The following PRRX1 variants were observed in gnomAD, a reference collection of about 807,000 sequenced individuals.
The protein encoded by PRRX1 is paired related homeobox 1, also known as paired mesoderm homeobox protein 1.
In PRRX1, 8 loss-of-function variants were observed where a neutral mutation model predicts 24.0. That is an observed-to-expected ratio of 0.33 (90% CI 0.20 to 0.60). PRRX1 has a LOEUF of 0.60. Among genes scored for constraint, PRRX1 ranks in the 20% least tolerant of loss-of-function variants. PRRX1 has a pLI of 0.82. For missense variants in PRRX1, 281 were observed against 322.4 expected (o/e 0.87, Z 0.98); for synonymous variants, 160 against 131.7 (o/e 1.22, Z -1.47).
intron 1 of PRRX1, among the ~76,000 whole-genome samples, chr1:170,708,944 T>A (rs1164355269): frequency 2.0e-5 from 3 of 152,206 alleles, no homozygotes; most frequent in Non-Finnish European, 2.9e-5. Flanking sequence ...TGAGTGTGAA[T>A]GGACCAGGTT....
At chr1:170,734,657 ATG>A (rs60682784) in intron 3 of PRRX1, among the ~76,000 whole-genome samples, 34,755 of 151,834 alleles carry the variant, frequency 0.23, 4,880 homozygotes, top group Middle Eastern at 0.41. Flanking sequence ...ACATACATGT[ATG>A]TGTGCACACA....
intron 1 of PRRX1, among the ~76,000 whole-genome samples, chr1:170,699,512 T>C (rs1167562732): frequency 1.3e-5 from 2 of 151,952 alleles, no homozygotes; most frequent in East Asian, 1.9e-4. Context: ...AACTGTATTA[T>C]GGGCAATGGG....
chr1:170,731,669 A>C (rs921439698), intron 3 of PRRX1, among the ~76,000 whole-genome samples: 19 of 152,146 alleles, frequency 1.2e-4, no homozygotes, highest in African/African-American at 4.6e-4. Context: ...GGTTGAAATG[A>C]TAAAAAATGA....
chr1:170,730,243 G>T (rs1052250239), intron 3 of PRRX1: 3 of 1,537,432 alleles, frequency 2.0e-6, no homozygotes, highest in Non-Finnish European at 2.7e-6. Flanking sequence ...GAACGCATTT[G>T]GCTTATTTCT....
Position 170,737,163 on chromosome 1 carries a change from A to G in PRRX1, c.*977A>G, listed in dbSNP as rs1037752346. 2.5e-5 allele frequency: 4 copies of G among 161,452 alleles called. No homozygotes were observed. The highest frequency in any genetic ancestry group is 9.7e-5 in the African/African-American group (4 of 41,276). The allele number at this position is 161,452 out of a possible 1,614,324, so 10.0% of individuals were successfully genotyped here. On this transcript the variant is annotated 3_prime_UTR_variant, in exon 4 of 4. Coordinates refer to ENST00000239461, the MANE Select transcript of PRRX1 (RefSeq NM_022716.4). ...TGTATATATTTATATATTTATATAT[A>G]TATTTCATATATATATATAATATTG...
Position 170,664,144 on chromosome 1 carries a change from C to G in PRRX1, c.-75C>G. On this transcript the variant is annotated 5_prime_UTR_variant, in exon 1 of 4. Transcript: ENST00000239461. ...TCTTTCTTCCCCACTCGGCTCCTCT[C>G]CCCCCTCGCGCCCACAGCGTTTGGT... is the stretch of plus-strand genomic sequence containing the variant. 6.7e-7 allele frequency: 1 copy of G among 1,488,522 alleles called. No individual in the cohort carries two copies. The highest frequency in any genetic ancestry group is 9.1e-7 in the Non-Finnish European group (1 of 1,100,758). 92.2% of individuals were successfully genotyped at this position (1,488,522 alleles called of 1,614,324 possible).
chr1:170,727,249 C>T (rs1655286043), intron 3 of PRRX1: 1 of 152,080 alleles, frequency 6.6e-6, no homozygotes, highest in Non-Finnish European at 1.5e-5. Context: ...TTTAACCTCC[C>T]ATTATTATGC....
At chr1:170,734,198 C>G (rs1175339959) in intron 3 of PRRX1, among the ~76,000 whole-genome samples, 2 of 150,502 alleles carry the variant, frequency 1.3e-5, no homozygotes, top group Non-Finnish European at 3.0e-5. Context: ...GGACCAGTTC[C>G]TATGAATAAA....
At chr1:170,721,450 A>T (rs561968994) in intron 2 of PRRX1, among the ~76,000 whole-genome samples, 4 of 152,336 alleles carry the variant, frequency 2.6e-5, no homozygotes, top group African/African-American at 9.6e-5. Context: ...CACAGTACAC[A>T]GTGGGAGACC....
At chr1:170,696,245 A>G (rs1192050852) in intron 1 of PRRX1, among the ~76,000 whole-genome samples, 1 of 151,582 alleles carries the variant, frequency 6.6e-6, no homozygotes, top group Admixed American at 6.6e-5. Context: ...TTATCCCCAC[A>G]CTGCAAGAAT....
At position 170,726,243 on chromosome 1, in the gene PRRX1, C is replaced by G. The variant is rs1230967727; in HGVS notation, c.441C>G (p.Ala147=). Residue 147 remains alanine, a synonymous_variant, in exon 3 of 4, where the codon GCC becomes GCG. Transcript: ENST00000239461. ...RVQVWFQNRR[A]KFRRNERAML... is the part of the protein sequence containing the mutation. ...AGGTGTGGTTTCAGAACCGAAGAGC[C>G]AAGTTCCGCAGGAATGAGAGAGCCA... The G allele has an allele frequency of 6.2e-7, 1 of 1,614,034 alleles. No individual in the cohort carries two copies. Among genetic ancestry groups the G allele is most frequent in the East Asian group, 2.2e-5 (1 of 44,864 alleles).
intron 3 of PRRX1, among the ~76,000 whole-genome samples, chr1:170,732,743 G>A (rs1655473180): frequency 6.6e-6 from 1 of 152,148 alleles, no homozygotes; most frequent in Admixed American, 6.6e-5. Context: ...GCTGAAACAA[G>A]TTAAATCAAT....
At chr1:170,707,697 T>G (rs1247444240) in intron 1 of PRRX1, among the ~76,000 whole-genome samples, 1 of 152,162 alleles carries the variant, frequency 6.6e-6, no homozygotes, top group African/African-American at 2.4e-5. Context: ...TCAAATAGAT[T>G]AAAGAAAAGA....
chr1:170,669,632 T>C (rs1451718086), intron 1 of PRRX1, among the ~76,000 whole-genome samples: 1 of 151,780 alleles, frequency 6.6e-6, no homozygotes, highest in African/African-American at 2.4e-5. Flanking sequence ...ACACACTGTT[T>C]CCCGCTCCAT....
At chr1:170,690,737 G>T (rs1653916867) in intron 1 of PRRX1, among the ~76,000 whole-genome samples, 1 of 152,044 alleles carries the variant, frequency 6.6e-6, no homozygotes, top group African/African-American at 2.4e-5. Context: ...TTAAATATGT[G>T]CCACCTGAAT....
chr1:170,705,960 AC>A (rs1654550281), intron 1 of PRRX1, among the ~76,000 whole-genome samples: 1 of 151,676 alleles, frequency 6.6e-6, no homozygotes, highest in African/African-American at 2.4e-5. Context: ...ACACACACAC[AC>A]ACACACAAAC....
At chr1:170,702,872 A>AT (rs1406021921) in intron 1 of PRRX1, among the ~76,000 whole-genome samples, 1 of 152,220 alleles carries the variant, frequency 6.6e-6, no homozygotes, top group Non-Finnish European at 1.5e-5. Flanking sequence ...ATGGATGGGT[A>AT]GATCTATGCA....
intron 1 of PRRX1, among the ~76,000 whole-genome samples, chr1:170,686,441 A>G (rs1653745963): frequency 6.6e-6 from 1 of 152,180 alleles, no homozygotes; most frequent in Non-Finnish European, 1.5e-5. Flanking sequence ...CATAGTTTTC[A>G]GCAAGGTCAA....
chr1:170,673,205 T>C (rs563215690), intron 1 of PRRX1, among the ~76,000 whole-genome samples: 1 of 152,312 alleles, frequency 6.6e-6, no homozygotes, highest in Admixed American at 6.5e-5. Flanking sequence ...AAGTAGGTAT[T>C]CAATGTAAAC....
Sources: allele counts gnomAD v4.1 joint callset (sites outside exome capture counted in the v4.1 genomes callset), GRCh38; gene constraint gnomAD v4.1.1; transcripts MANE v1.5; gene names NCBI Gene and HGNC (gene_info 2026-07-23, HGNC 2026-07-21).